The following LARS1 variants were observed in gnomAD, a reference collection of about 807,000 sequenced individuals.
LARS1 encodes the protein leucine--tRNA ligase, cytoplasmic.
Under a neutral mutation model 162.8 loss-of-function variants are expected in LARS1, and 100 were observed. The observed-to-expected ratio is 0.61, with a 90% CI of 0.52 to 0.73. LARS1 has a LOEUF of 0.73. LARS1 is among the 30% of genes least tolerant of loss of function. The probability of loss-of-function intolerance (pLI) is 0.00; values close to 1 mark genes in which losing one functional copy is unlikely to be tolerated. For missense variants in LARS1, 1,258 were observed against 1,408.9 expected (o/e 0.89, Z 1.71); for synonymous variants, 457 against 462.8 (o/e 0.99, Z 0.16).
chr5:146,138,735 A>AG (rs1752624057), intron 21 of LARS1: 1 of 163,086 alleles, frequency 6.1e-6, no homozygotes, highest in Admixed American at 6.5e-5. Context: ...TCTCAAAAAA[A>AG]AAAAAAAAGA....
Position 146,120,487 on chromosome 5 carries a change from G to A in LARS1, c.3209C>T (p.Ser1070Phe), listed in dbSNP as rs755821894. 1.9e-6 allele frequency: 3 copies of A among 1,612,864 alleles called. No homozygotes were observed. Among genetic ancestry groups the A allele is most frequent in the Non-Finnish European group, 2.5e-6 (3 of 1,179,272 alleles). Residue 1070 changes from serine to phenylalanine, a missense_variant, in exon 31 of 32, where the codon TCT (serine) becomes TTT (phenylalanine). Transcript: ENST00000394434. ...ATTGGATGGCTGGGGATTCACCAGA[G>A]AAACGGACACACCAGGCTAGGAAAA... The part of the protein sequence containing the change: ...VFRIEPGVSV[S>F]LVNPQPSNGH...
At position 146,168,391 on chromosome 5, in the gene LARS1, C is replaced by T. The variant is rs1051532979; in HGVS notation, c.295-126G>A. 7.4e-6 allele frequency: 7 copies of T among 943,878 alleles called. No homozygotes were observed. In the African/African-American group the frequency reaches 8.4e-5, roughly 11 times the overall value. The allele number at this position is 943,878 out of a possible 1,614,324, so 58.5% of individuals were successfully genotyped here. The stretch of plus-strand genomic sequence containing the variant: ...TTGCAATATATTGATACCTATGTGG[C>T]TCCACTACAGAAAACTGAAACGGAG... On this transcript the variant is annotated intron_variant, in intron 4 of 31. Transcript: ENST00000394434.
intron 4 of LARS1, 52 bp from the exon 5 acceptor site, chr5:146,168,317 T>G (rs762945139): frequency 3.2e-6 from 5 of 1,552,996 alleles, no homozygotes; most frequent in Non-Finnish European, 3.5e-6. Context: ...AGACACAATT[T>G]CAGTTTTTTA....
intron 15 of LARS1, among the ~76,000 whole-genome samples, chr5:146,148,343 T>C (rs1753112957): frequency 6.6e-6 from 1 of 152,200 alleles, no homozygotes; most frequent in South Asian, 2.1e-4. Flanking sequence ...GGAAGAGCTT[T>C]CTCTGAGATG....
chr5:146,179,612 T>A, intron 1 of LARS1: 3 of 395,366 alleles, frequency 7.6e-6, no homozygotes, highest in Non-Finnish European at 1.5e-5. Flanking sequence ...TGTGTCTGTG[T>A]GAGAGAGAGA....
intron 23 of LARS1, 83 bp from the exon 24 acceptor site, chr5:146,131,192 A>C: frequency 1.8e-6 from 1 of 567,560 alleles, no homozygotes; most frequent in Middle Eastern, 4.7e-4. Context: ...ACACAAATTT[A>C]AAATACTGCT....
chr5:146,171,364 AAAAT>A (rs1235149187), intron 4 of LARS1, among the ~76,000 whole-genome samples: 8 of 152,062 alleles, frequency 5.3e-5, no homozygotes, highest in African/African-American at 1.9e-4. Context: ...TCTCAAAAAA[AAAAT>A]AAAATAAAGT....
At chr5:146,132,123 C>A (rs1430628740) in intron 23 of LARS1, 1 of 152,186 alleles carries the variant, frequency 6.6e-6, no homozygotes, top group African/African-American at 2.4e-5. Context: ...GCCTGGCCAA[C>A]ACAGTGAAAC....
At chr5:146,159,534 G>T in intron 7 of LARS1, 64 bp from the exon 8 acceptor site, 1 of 1,240,060 alleles carries the variant, frequency 8.1e-7, no homozygotes, top group Non-Finnish European at 1.2e-6. Context: ...TACCATATTT[G>T]CCTGTGTTGC....
chr5:146,165,330 A>C (rs1367822466), intron 5 of LARS1, among the ~76,000 whole-genome samples: 2 of 152,002 alleles, frequency 1.3e-5, no homozygotes, highest in Admixed American at 6.6e-5. Context: ...GAGAGACTCC[A>C]TCTCAAACAA....
intron 21 of LARS1, among the ~76,000 whole-genome samples, chr5:146,137,359 A>G (rs1752560718): frequency 6.6e-6 from 1 of 151,964 alleles, no homozygotes; most frequent in African/African-American, 2.4e-5. Flanking sequence ...TTTTTAAGTC[A>G]AGTAGGGGTG....
rs143376572 is a variant in LARS1 at position 146,129,045 on chromosome 5, T to C, written c.2702A>G (p.Tyr901Cys). 70 of 1,611,354 alleles carry C rather than the reference T, an allele frequency of 4.3e-5. No homozygotes were observed. The highest frequency in any genetic ancestry group is 3.3e-5 in the Non-Finnish European group (39 of 1,177,980). ...VNEVLIHSSQ[Y>C]LMEVTHDLRL... ...AAGGTCATGTGTTACTTCCATAAGA[T>C]ACTGTGAGGAGTGTATTAAAACTTC... The change falls in exon 26 of 32, where the codon TAT (tyrosine) becomes TGT (cysteine). Residue 901 changes from tyrosine to cysteine, a missense_variant. Coordinates refer to ENST00000394434, the MANE Select transcript of LARS1 (RefSeq NM_020117.11).
chr5:146,135,789 G>T, intron 21 of LARS1, 125 bp from the exon 22 acceptor site: 2 of 621,206 alleles, frequency 3.2e-6, no homozygotes, highest in East Asian at 3.2e-5. Context: ...AATACGGAAA[G>T]GAAAAGATAT....
chr5:146,145,125 T>A (rs1179624378), intron 15 of LARS1, among the ~76,000 whole-genome samples: 1 of 152,204 alleles, frequency 6.6e-6, no homozygotes, highest in Non-Finnish European at 1.5e-5. Context: ...TTACCCAGGC[T>A]GGAGCGCAGT....
At chr5:146,166,441 G>A (rs1179526679) in intron 5 of LARS1, among the ~76,000 whole-genome samples, 1 of 152,114 alleles carries the variant, frequency 6.6e-6, no homozygotes, top group Non-Finnish European at 1.5e-5. Flanking sequence ...CAGGCACAGA[G>A]GTATAAGCCT....
intron 4 of LARS1, 35 bp downstream of exon 4, chr5:146,171,875 A>T (rs1754296756): frequency 6.6e-7 from 1 of 1,520,458 alleles, no homozygotes; most frequent in Admixed American, 1.8e-5. Context: ...GCTCCAACTA[A>T]AAAGAGTAGA....
At chr5:146,142,766 G>A in intron 20 of LARS1, 106 bp downstream of exon 20, 1 of 830,074 alleles carries the variant, frequency 1.2e-6, no homozygotes, top group East Asian at 2.7e-5. Flanking sequence ...AATGTAACTG[G>A]CAAATCTATA....
rs1258887791 is a variant in LARS1, at chr5:146,174,376, C to T, written c.126-1602G>A. On this transcript the variant is annotated intron_variant, in intron 2 of 31. Coordinates refer to ENST00000394434, the MANE Select transcript of LARS1 (RefSeq NM_020117.11). ...AGGAGAATCGCTTGAACACGGGAGT[C>T]GGAGGTTGCGGTGAGCCGAGATCAC... is the stretch of plus-strand genomic sequence containing the variant. 4.2e-5 allele frequency among the ~76,000 whole-genome samples: 6 copies of T among 141,304 alleles called. No individual in the cohort carries two copies. The East Asian group carries it at 6.2e-4, about 15-fold the overall frequency. The allele number at this position is 141,304 out of a possible 152,430, so 92.7% of individuals were successfully genotyped here.
chr5:146,159,474 A>G lies in LARS1; in HGVS notation c.708-4T>C. 3.8e-6 allele frequency: 6 copies of G among 1,598,548 alleles called. No homozygotes were observed. The highest frequency in any genetic ancestry group is 5.1e-6 in the Non-Finnish European group (6 of 1,166,128). On this transcript the variant is annotated splice_polypyrimidine_tract_variant and splice_region_variant and intron_variant, in intron 7 of 31. Transcript: ENST00000394434. ...TTTCGGAGAGTAAATTGTATACCTA[A>G]AAAATAAACAAAAAGTGACAAACAT...
Sources: gnomAD v4.1 joint callset for allele counts (sites outside exome capture counted in the v4.1 genomes callset) on GRCh38, gnomAD v4.1.1 for gene constraint, MANE v1.5 for transcripts, NCBI Gene and HGNC (gene_info 2026-07-23, HGNC 2026-07-21) for gene names.